The following HEPN1 variants were observed in gnomAD, a reference collection of about 807,000 sequenced individuals.
The protein encoded by HEPN1 is protein HEPN1.
For missense variants in HEPN1, 97 were observed against 103.3 expected (o/e 0.94, Z 0.26); for synonymous variants, 46 against 41.2 (o/e 1.12, Z -0.45).
At chr11:124,919,346 C>A in exon 1 of HEPN1, 1 of 198,850 alleles carries the variant, frequency 5.0e-6, no homozygotes, top group Non-Finnish European at 9.8e-6. Flanking sequence ...AAAACAAACC[C>A]CACTTCCTTA....
exon 1 of HEPN1, chr11:124,920,148 C>T (rs1190022709): frequency 1.1e-5 from 12 of 1,069,604 alleles, no homozygotes; most frequent in Non-Finnish European, 2.7e-6. Flanking sequence ...CCTCCTCCCC[C>T]CACCATTTCT....
At chr11:124,919,918 A>C (rs1201594810) in exon 1 of HEPN1, 1 of 1,614,100 alleles carries the variant, frequency 6.2e-7, no homozygotes. Flanking sequence ...CTCCTCACAC[A>C]GTAGATTACT....
chr11:124,920,271 G>A lies in HEPN1; in HGVS notation c.*254G>A, dbSNP rs1947109010. 3 of 989,868 alleles carry A rather than the reference G, an allele frequency of 3.0e-6. No homozygotes were observed. The South Asian group carries it at 5.1e-5, about 17-fold the overall frequency. The allele number at this position is 989,868 out of a possible 1,614,324, so 61.3% of individuals were successfully genotyped here. On this transcript the variant is annotated 3_prime_UTR_variant, in exon 1 of 1. Coordinates refer to ENST00000408930, the Ensembl canonical transcript of HEPN1. ...GAAGCCAGGAGGAATATATGAGTTTGATGAGCTAAAACAGTTCCTCATTTG... is the reference window on the plus strand; with the variant it reads ...GAAGCCAGGAGGAATATATGAGTTTAATGAGCTAAAACAGTTCCTCATTTG...
chr11:124,920,573 C>A, exon 1 of HEPN1: 1 of 1,310,928 alleles, frequency 7.6e-7, no homozygotes, highest in African/African-American at 1.5e-5. Flanking sequence ...CAATGATCCC[C>A]CCAGCTCAGA....
chr11:124,920,029 G>A, exon 1 of HEPN1: 1 of 1,608,158 alleles, frequency 6.2e-7, no homozygotes, highest in Non-Finnish European at 8.5e-7. Flanking sequence ...TAGGGAGTCT[G>A]CCCTTTTTCT....
Position 124,919,703 on chromosome 11 carries a change from T to C in HEPN1, c.-48T>C. ...CAGGGCAGAGGGGGCAAACTAGAAA[T>C]GTCAGTGCCTTTGGGGCTGAGACAA... On this transcript the variant is annotated 5_prime_UTR_variant, in exon 1 of 1. It removes an upstream start codon present in the reference 5' UTR. Transcript: ENST00000408930. 1 of 1,599,058 alleles carries C rather than the reference T, an allele frequency of 6.3e-7. No homozygotes were observed. The highest frequency in any genetic ancestry group is 8.5e-7 in the Non-Finnish European group (1 of 1,172,486).
chr11:124,919,691 G>A (rs535534543), exon 1 of HEPN1: 5 of 1,580,860 alleles, frequency 3.2e-6, no homozygotes, highest in African/African-American at 2.7e-5. Context: ...GGCAGAGGGG[G>A]CAAACTAGAA....
At chr11:124,919,868 C>A (rs1947100409) in exon 1 of HEPN1, 1 of 1,614,036 alleles carries the variant, frequency 6.2e-7, no homozygotes, top group African/African-American at 1.3e-5. Flanking sequence ...ATGGAATACA[C>A]AGAGGGCCTC....
At position 124,919,846 on chromosome 11, in the gene HEPN1, AAGG is replaced by A. The variant is rs527377754; in HGVS notation, c.103_105del (p.Arg35del). 2,141 of 1,614,136 alleles carry A rather than the reference AAGG, an allele frequency of 1.3e-3. 2 individuals carry two copies. The highest frequency in any genetic ancestry group is 1.7e-3 in the Non-Finnish European group (2,018 of 1,179,996). On this transcript the variant is annotated inframe_deletion, in exon 1 of 1. Coordinates refer to ENST00000408930, the Ensembl canonical transcript of HEPN1. ...GGATGCAAGGACCCTTGGAGGCATT[AAGG>A]AGGAGGGAATGGAATACACAGAGGG...
chr11:124,919,548 C>G, exon 1 of HEPN1: 1 of 599,232 alleles, frequency 1.7e-6, no homozygotes, highest in Non-Finnish European at 2.9e-6. Flanking sequence ...GAAACTTTTC[C>G]CCTACATGCA....
chr11:124,920,148 C>A (rs1190022709), exon 1 of HEPN1: 2 of 1,069,600 alleles, frequency 1.9e-6, no homozygotes, highest in South Asian at 1.6e-5. Flanking sequence ...CCTCCTCCCC[C>A]CACCATTTCT....
At chr11:124,920,148 C>G in exon 1 of HEPN1, 1 of 1,069,722 alleles carries the variant, frequency 9.3e-7, no homozygotes, top group Admixed American at 2.4e-5. Context: ...CCTCCTCCCC[C>G]CACCATTTCT....
chr11:124,920,569 T>TC lies in HEPN1; in HGVS notation c.*558dup, dbSNP rs1947115223. 6 of 1,281,500 alleles carry TC rather than the reference T, an allele frequency of 4.7e-6. No homozygotes were observed. In the Admixed American group the frequency reaches 9.3e-5, roughly 20 times the overall value. The allele number at this position is 1,281,500 out of a possible 1,614,324, so 79.4% of individuals were successfully genotyped here. A position where few individuals can be genotyped will look rare whatever the true frequency, so the allele number is the denominator to read the frequency against. On this transcript the variant is annotated 3_prime_UTR_variant, in exon 1 of 1. Transcript: ENST00000408930. ...CCAGGGAAGAAGGCCTTCACAATGA[T>TC]CCCCCCAGCTCAGAACAGCCCCTGC...
exon 1 of HEPN1, chr11:124,919,698 A>G: frequency 6.3e-7 from 1 of 1,594,248 alleles, no homozygotes; most frequent in Non-Finnish European, 8.5e-7. Context: ...GGGGCAAACT[A>G]GAAATGTCAG....
exon 1 of HEPN1, chr11:124,920,460 C>T: frequency 1.9e-6 from 3 of 1,543,232 alleles, no homozygotes; most frequent in South Asian, 2.4e-5. Context: ...GGTTCTTTGC[C>T]CTTGCTAGCG....
chr11:124,920,079 G>A (rs1179477522), exon 1 of HEPN1: 8 of 1,541,652 alleles, frequency 5.2e-6, no homozygotes, highest in Non-Finnish European at 7.0e-6. Flanking sequence ...GGGCAGATGG[G>A]TGGCAGGAGG....
exon 1 of HEPN1, chr11:124,919,633 G>C: frequency 8.5e-7 from 1 of 1,174,836 alleles, no homozygotes; most frequent in Non-Finnish European, 1.2e-6. Context: ...TGAGCCTGGG[G>C]AAGTGCCGAG....
exon 1 of HEPN1, chr11:124,920,546 A>C: frequency 7.2e-7 from 1 of 1,386,712 alleles, no homozygotes; most frequent in Non-Finnish European, 9.5e-7. Flanking sequence ...CCAGGTGCCC[A>C]GGGAAGAAGG....
At chr11:124,920,677 G>GAAAAAA (rs1565336612), downstream of HEPN1, 88 of 108,124 alleles carry the variant, frequency 8.1e-4, 2 homozygotes, top group African/African-American at 0.013. Context: ...ATCTGAACTT[G>GAAAAAA]CAAAAAAAAA....
Sources: allele counts gnomAD v4.1 joint callset, GRCh38; gene constraint gnomAD v4.1.1; transcripts MANE v1.5; gene names NCBI Gene and HGNC (gene_info 2026-07-23, HGNC 2026-07-21).